Variants in ASS1 observed in about 807,000 individuals in gnomAD.
ASS1 encodes the protein argininosuccinate synthase.
In ASS1, 58 loss-of-function variants were observed where a neutral mutation model predicts 60.5. The ratio of observed to expected loss-of-function variants is 0.96; its 90% CI spans 0.78 to 1.19. ASS1 has a LOEUF of 1.19. Among genes scored for constraint, ASS1 ranks in the 50% most tolerant of loss-of-function variants. The probability of loss-of-function intolerance (pLI) is 0.00; values close to 1 mark genes in which losing one functional copy is unlikely to be tolerated. For missense variants in ASS1, 454 were observed against 547.3 expected, an observed-to-expected ratio of 0.83 and a Z score of 1.70; for synonymous variants, 200 against 206.9, an observed-to-expected ratio of 0.97 and a Z score of 0.29.
At chr9:130,457,894 T>A (rs1845483338) in intron 3 of ASS1, among the ~76,000 whole-genome samples, 1 of 152,116 alleles carries the variant, frequency 6.6e-6, no homozygotes. Context: ...CGCGGTGGCT[T>A]GTGCCTGTAA....
rs958404315 is a variant in ASS1 at position 130,479,106 on chromosome 9, C to T, written c.689-610C>T. ...TCAACCCCGAACCCACCCACTGCCC[C>T]CACCCAACCCCTTCCCTCCTGCCAC... On this transcript the variant is annotated intron_variant, in intron 9 of 14. Transcript: ENST00000352480. Among the ~76,000 whole-genome samples the T allele has an allele frequency of 1.1e-4, 17 of 152,062 alleles. No individual in the cohort carries two copies. The East Asian group carries it at 2.3e-3, about 21-fold the overall frequency.
Position 130,466,250 on chromosome 9 carries a change from C to T in ASS1, c.421-475C>T, listed in dbSNP as rs533742594. ...CCCTCAGCCAGGCTCAGAGTCTTCC[C>T]CCACTTCTTTCCCTTCCACACCCAG... On this transcript the variant is annotated intron_variant, in intron 5 of 14. Transcript: ENST00000352480. Among the ~76,000 whole-genome samples the T allele has an allele frequency of 3.9e-5, 6 of 152,302 alleles. No homozygotes were observed. The East Asian group carries it at 1.2e-3, about 29-fold the overall frequency.
chr9:130,461,562 G>A (rs1028216086), intron 4 of ASS1, among the ~76,000 whole-genome samples: 4 of 152,200 alleles, frequency 2.6e-5, no homozygotes, highest in East Asian at 1.9e-4. Context: ...GGGGATGCCG[G>A]GGAGTAGGTG....
chr9:130,468,063 C>T (rs1163159084), intron 6 of ASS1, among the ~76,000 whole-genome samples: 1 of 152,202 alleles, frequency 6.6e-6, no homozygotes, highest in East Asian at 1.9e-4. Flanking sequence ...CCTCGGCCAC[C>T]TACCCTCTCC....
In ASS1 at chr9:130,477,479, C is replaced by T. The variant is rs1846049450; in HGVS notation, c.688+518C>T. ...GCCGCTCTGGGCCTCACCCTGCTGA[C>T]CCCACGTTCAAAGCTGCGGCCACTC... On this transcript the variant is annotated intron_variant, in intron 9 of 14. Coordinates refer to ENST00000352480, the MANE Select transcript of ASS1 (RefSeq NM_054012.4). The surrounding 1 kb of genome is among the most constrained non-coding windows in gnomAD (Gnocchi z 4.2). Among the ~76,000 whole-genome samples, 1 of 152,232 alleles carries T rather than the reference C, an allele frequency of 6.6e-6. No individual in the cohort carries two copies. The highest frequency in any genetic ancestry group is 2.4e-5 in the African/African-American group (1 of 41,456).
rs572855508 is a variant in ASS1 at position 130,459,181 on chromosome 9, G to A, written c.363+592G>A. On this transcript the variant is annotated intron_variant, in intron 4 of 14. Transcript: ENST00000352480. This position sits in a 1 kb window ranked among gnomAD's most constrained non-coding sequence, Gnocchi z 4.6. ...GGTCCATAGTGAGGGCATGGGCAGG[G>A]CCACGCAGCCTCTGAAGGTGCCAGG... Among the ~76,000 whole-genome samples the A allele has an allele frequency of 1.2e-3, 188 of 152,280 alleles. 1 individual carries two copies. Among genetic ancestry groups the A allele is most frequent in the African/African-American group, 4.3e-3 (180 of 41,540 alleles).
At chr9:130,446,151 C>T (rs961922610) in intron 1 of ASS1, among the ~76,000 whole-genome samples, 4 of 152,234 alleles carry the variant, frequency 2.6e-5, no homozygotes, top group Admixed American at 1.3e-4. Context: ...CCCAAAGTGC[C>T]TGGCCCCCAA....
intron 1 of ASS1, among the ~76,000 whole-genome samples, chr9:130,446,470 T>A (rs1291327902): frequency 6.6e-6 from 1 of 152,204 alleles, no homozygotes; most frequent in Non-Finnish European, 1.5e-5. Context: ...CGGGGCCATC[T>A]GTGCACCATG....
intron 1 of ASS1, among the ~76,000 whole-genome samples, chr9:130,448,406 A>G (rs929229435): frequency 5.5e-5 from 7 of 126,940 alleles, no homozygotes; most frequent in African/African-American, 2.1e-4. Flanking sequence ...CTGGGTGCAC[A>G]CAGGTGTGTG....
intron 14 of ASS1, among the ~76,000 whole-genome samples, chr9:130,500,705 T>C (rs943553818): frequency 6.6e-6 from 1 of 152,166 alleles, no homozygotes; most frequent in Non-Finnish European, 1.5e-5. Flanking sequence ...AGGGCTTACA[T>C]AGTGGCCTCT....
intron 8 of ASS1, among the ~76,000 whole-genome samples, chr9:130,474,530 G>C (rs1845967122): frequency 6.6e-6 from 1 of 152,232 alleles, no homozygotes. Flanking sequence ...CACCCTGGTT[G>C]GAGGCTTGGG....
At chr9:130,466,441 C>T in intron 5 of ASS1, 1 of 528,144 alleles carries the variant, frequency 1.9e-6, no homozygotes, top group East Asian at 3.3e-5. Context: ...TCTCAGGTCT[C>T]ATCTGGGGAG....
At chr9:130,471,122 C>G (rs921967146) in intron 7 of ASS1, among the ~76,000 whole-genome samples, 1 of 152,152 alleles carries the variant, frequency 6.6e-6, no homozygotes, top group Non-Finnish European at 1.5e-5. Context: ...CATGGGGACC[C>G]GGCCTCATCA....
intron 8 of ASS1, among the ~76,000 whole-genome samples, chr9:130,475,742 T>G (rs981836983): frequency 1.5e-4 from 14 of 93,010 alleles, no homozygotes; most frequent in Non-Finnish European, 3.1e-4. Context: ...GTGCAAGGTG[T>G]TTTTTTTTTT....
At chr9:130,490,353 G>A (rs990092168) in intron 12 of ASS1, among the ~76,000 whole-genome samples, 1 of 151,986 alleles carries the variant, frequency 6.6e-6, no homozygotes, top group Non-Finnish European at 1.5e-5. Flanking sequence ...CGCTCTTGTT[G>A]CCCAGGCTGG....
chr9:130,479,678 C>G (rs142193709), intron 9 of ASS1, 38 bp from the exon 10 acceptor site: 21 of 1,536,686 alleles, frequency 1.4e-5, no homozygotes, highest in East Asian at 6.8e-5. Context: ...TCCGCTGAGC[C>G]GGGCCCAGAG....
At chr9:130,481,607 C>T (rs1437986197) in intron 11 of ASS1, among the ~76,000 whole-genome samples, 1 of 152,226 alleles carries the variant, frequency 6.6e-6, no homozygotes, top group East Asian at 1.9e-4. Context: ...CCTTGCCCAA[C>T]AACCTTGGAC....
intron 7 of ASS1, 31 bp from the exon 8 acceptor site, chr9:130,471,454 G>C: frequency 6.2e-7 from 1 of 1,613,744 alleles, no homozygotes; most frequent in Middle Eastern, 1.7e-4. Flanking sequence ...TCCCTCCCCA[G>C]CTGACCCTGT....
chr9:130,446,085 C>T (rs996827327), intron 1 of ASS1, among the ~76,000 whole-genome samples: 1 of 152,204 alleles, frequency 6.6e-6, no homozygotes, highest in Non-Finnish European at 1.5e-5. Flanking sequence ...CTCCTGGGCT[C>T]AAGCGACCCT....
Sources: gnomAD v4.1 joint callset for allele counts (sites outside exome capture counted in the v4.1 genomes callset) on GRCh38, gnomAD v4.1.1 for gene constraint, Gnocchi (gnomAD v3.1) non-coding constraint, MANE v1.5 for transcripts, NCBI Gene and HGNC (gene_info 2026-07-23, HGNC 2026-07-21) for gene names.